The following INVS variants were observed in gnomAD, a reference collection of about 807,000 sequenced individuals.
INVS encodes the protein inversion of embryo turning homolog.
A neutral mutation model predicts 108.8 loss-of-function variants in INVS; 86 were observed. The ratio of observed to expected loss-of-function variants is 0.79; its 90% CI spans 0.66 to 0.95. INVS has a LOEUF of 0.95. Among genes scored for constraint, INVS ranks in the 40% least tolerant of loss-of-function variants. The pLI, the probability that INVS is intolerant of heterozygous loss-of-function variation, is 0.00. For missense variants in INVS, 1,169 were observed against 1,297.4 expected, an observed-to-expected ratio of 0.90 and a Z score of 1.52; for synonymous variants, 455 against 473.5, an observed-to-expected ratio of 0.96 and a Z score of 0.51.
intron 13 of INVS, among the ~76,000 whole-genome samples, chr9:100,284,897 CT>C (rs1833392414): frequency 1.3e-5 from 2 of 152,020 alleles, no homozygotes; most frequent in Admixed American, 1.3e-4. Context: ...ACTTTGTCCA[CT>C]TTTACGTTTC....
intron 1 of INVS, among the ~76,000 whole-genome samples, chr9:100,100,585 ATATAATATATG>A (rs1218967625): frequency 7.2e-5 from 7 of 96,710 alleles, no homozygotes; most frequent in Non-Finnish European, 5.9e-5. Flanking sequence ...TATATAATAT[ATATAATATATG>A]TACATATAAT....
intron 2 of INVS, chr9:100,116,943 C>T (rs1827551932): frequency 1.3e-6 from 2 of 1,531,888 alleles, no homozygotes; most frequent in Non-Finnish European, 1.8e-6. Context: ...CCCAGGGTGG[C>T]ATTGCAGCCC....
chr9:100,160,685 A>G (rs1829141413), intron 3 of INVS, among the ~76,000 whole-genome samples: 1 of 139,630 alleles, frequency 7.2e-6, no homozygotes, highest in South Asian at 2.1e-4. Flanking sequence ...TTCCTTTGTT[A>G]ATTTCCCCGT....
chr9:100,237,128 TC>T (rs1426067643), intron 5 of INVS, among the ~76,000 whole-genome samples: 1 of 152,144 alleles, frequency 6.6e-6, no homozygotes, highest in African/African-American at 2.4e-5. Flanking sequence ...TCCGCTCAGT[TC>T]AAACTTCTTG....
At chr9:100,176,576 A>T (rs1829719120) in intron 3 of INVS, among the ~76,000 whole-genome samples, 1 of 152,040 alleles carries the variant, frequency 6.6e-6, no homozygotes, top group African/African-American at 2.4e-5. Flanking sequence ...TTCCGGGTTG[A>T]TGTGATTCTC....
intron 3 of INVS, among the ~76,000 whole-genome samples, chr9:100,172,159 C>G (rs1829561895): frequency 6.6e-6 from 1 of 151,764 alleles, no homozygotes; most frequent in Admixed American, 6.6e-5. Context: ...AAATGTCAAC[C>G]AAAACACTTA....
At chr9:100,128,705 T>G (rs974995063) in intron 3 of INVS, among the ~76,000 whole-genome samples, 2 of 152,178 alleles carry the variant, frequency 1.3e-5, no homozygotes, top group African/African-American at 4.8e-5. Context: ...CTTCCAAGAT[T>G]TTCCCATATT....
intron 2 of INVS, among the ~76,000 whole-genome samples, chr9:100,114,505 G>A (rs1001067160): frequency 6.5e-5 from 9 of 138,324 alleles, no homozygotes; most frequent in African/African-American, 1.6e-4. Flanking sequence ...AGGCTCAAGC[G>A]ATCCTCCCAC....
intron 3 of INVS, among the ~76,000 whole-genome samples, chr9:100,208,509 A>G: frequency 6.6e-6 from 1 of 152,210 alleles, no homozygotes; most frequent in East Asian, 1.9e-4. Context: ...AAGGCAAAAG[A>G]TGGATTCAAT....
intron 13 of INVS, among the ~76,000 whole-genome samples, chr9:100,289,176 A>G (rs1201438623): frequency 6.6e-6 from 1 of 152,182 alleles, no homozygotes; most frequent in African/African-American, 2.4e-5. Flanking sequence ...AACTGTATCT[A>G]CAGCTCCATT....
chr9:100,104,102 C>G (rs189080695), intron 1 of INVS, among the ~76,000 whole-genome samples: 1 of 152,132 alleles, frequency 6.6e-6, no homozygotes, highest in South Asian at 2.1e-4. Flanking sequence ...CTCAGATAGT[C>G]CCTAAGAAGA....
rs1826860939 is a variant in INVS, at chr9:100,100,763, A to ATTATATGTATATATAATATATATT, written c.-25+1347_-25+1348insTTATATGTATATATAATATATATT. On this transcript the variant is annotated intron_variant, in intron 1 of 16. Transcript: ENST00000262457. ...TATTATATGTACATATAATATATAT[A>ATTATATGTATATATAATATATATT]ATATATGTATATATAATATATATTA... 5.1e-4 allele frequency among the ~76,000 whole-genome samples: 4 copies of ATTATATGTATATATAATATATATT among 7,796 alleles called. 2 individuals are homozygous for ATTATATGTATATATAATATATATT. The African/African-American group carries it at 6.4e-3, about 12-fold the overall frequency. 5.1% of individuals were successfully genotyped at this position (7,796 alleles called of 152,430 possible).
intron 2 of INVS, among the ~76,000 whole-genome samples, chr9:100,114,058 A>C (rs1334384516): frequency 3.3e-5 from 5 of 152,236 alleles, no homozygotes; most frequent in Non-Finnish European, 5.9e-5. Flanking sequence ...TACAATACAT[A>C]GCTGGAGCCA....
chr9:100,253,814 A>G (rs1342081870), intron 10 of INVS, among the ~76,000 whole-genome samples: 1 of 152,094 alleles, frequency 6.6e-6, no homozygotes, highest in African/African-American at 2.4e-5. Flanking sequence ...CCAGTCTATC[A>G]TTGATGTACA....
chr9:100,207,490 G>C (rs193149205), intron 3 of INVS, among the ~76,000 whole-genome samples: 1 of 151,760 alleles, frequency 6.6e-6, no homozygotes, highest in Admixed American at 6.6e-5. Flanking sequence ...ATGGGGTTTC[G>C]TCGTGTTGGC....
At chr9:100,299,349 C>A (rs1048515948) in intron 16 of INVS, among the ~76,000 whole-genome samples, 1 of 151,880 alleles carries the variant, frequency 6.6e-6, no homozygotes, top group Admixed American at 6.6e-5. Context: ...CTTGGAGAAC[C>A]CCCCACCCCC....
Position 100,301,194 on chromosome 9 carries a change from A to G in INVS, c.*520A>G, listed in dbSNP as rs370846167. On this transcript the variant is annotated 3_prime_UTR_variant, in exon 17 of 17. Transcript: ENST00000262457. ...ACACACACACATATCACGTCCCACT[A>G]TTACTTCAAAATTAATCAGGTTTAA... Among the ~76,000 whole-genome samples, 1 of 149,154 alleles carries G rather than the reference A, an allele frequency of 6.7e-6. No individual in the cohort carries two copies. The highest frequency in any genetic ancestry group is 1.9e-4 in the East Asian group (1 of 5,158).
Position 100,252,737 on chromosome 9 carries a change from G to A in INVS, c.1235-170G>A, listed in dbSNP as rs987126885. ...ATTGTAAAAATCTGATGTAGACAAC[G>A]TATGTGGAAGCATTTCCATAAGAAT... is the stretch of plus-strand genomic sequence containing the variant. On this transcript the variant is annotated intron_variant, in intron 9 of 16. Coordinates refer to ENST00000262457, the MANE Select transcript of INVS (RefSeq NM_014425.5). 3.9e-5 allele frequency among the ~76,000 whole-genome samples: 6 copies of A among 152,286 alleles called. 1 individual carries two copies. In the South Asian group the frequency reaches 8.3e-4, roughly 21 times the overall value.
intron 10 of INVS, among the ~76,000 whole-genome samples, chr9:100,260,341 C>A (rs1832581065): frequency 6.6e-6 from 1 of 150,598 alleles, no homozygotes. Context: ...AGGCATGCAC[C>A]ACCACATCTG....
Sources: gnomAD v4.1 joint callset for allele counts (sites outside exome capture counted in the v4.1 genomes callset) on GRCh38, gnomAD v4.1.1 for gene constraint, MANE v1.5 for transcripts, NCBI Gene and HGNC (gene_info 2026-07-23, HGNC 2026-07-21) for gene names.